The following SBF2 variants were observed in gnomAD, a reference collection of about 807,000 sequenced individuals.
The protein encoded by SBF2 is myotubularin-related protein 13.
In SBF2, 112 loss-of-function variants were observed where a neutral mutation model predicts 225.2. That is an observed-to-expected ratio of 0.50 (90% CI 0.43 to 0.58). SBF2 has a LOEUF of 0.58. Among genes scored for constraint, SBF2 ranks in the 20% least tolerant of loss-of-function variants. The pLI, the probability that SBF2 is intolerant of heterozygous loss-of-function variation, is 0.00. For missense variants in SBF2, 1,996 were observed against 2,206.2 expected (o/e 0.90, Z 1.91); for synonymous variants, 763 against 773.3 (o/e 0.99, Z 0.22).
chr11:10,111,885 C>A (rs562027453), intron 2 of SBF2, among the ~76,000 whole-genome samples: 30 of 151,786 alleles, frequency 2.0e-4, no homozygotes, highest in Admixed American at 1.2e-3. Flanking sequence ...TCAAAAAAAC[C>A]AAAAAAAATT....
chr11:9,942,656 C>T (rs949101201), intron 16 of SBF2, among the ~76,000 whole-genome samples: 6 of 151,818 alleles, frequency 4.0e-5, no homozygotes, highest in African/African-American at 1.5e-4. Flanking sequence ...ATGGTAAAAT[C>T]CTGTCTCTAC....
intron 2 of SBF2, among the ~76,000 whole-genome samples, chr11:10,081,703 T>C (rs1183870243): frequency 6.8e-6 from 1 of 147,654 alleles, no homozygotes; most frequent in Non-Finnish European, 1.5e-5. Flanking sequence ...GAGGTTACAG[T>C]GAGCTGAGAT....
intron 16 of SBF2, among the ~76,000 whole-genome samples, chr11:9,936,479 T>C (rs963856434): frequency 2.0e-5 from 3 of 152,230 alleles, no homozygotes; most frequent in African/African-American, 7.2e-5. Context: ...TTATAAATCA[T>C]GCTACTATAA....
rs928621384 is a variant in SBF2 at position 10,028,038 on chromosome 11, T to C, written c.619+414A>G. On this transcript the variant is annotated intron_variant, in intron 6 of 39. Coordinates refer to ENST00000256190, the MANE Select transcript of SBF2 (RefSeq NM_030962.4). ...GATACATCTACCTCAGCCTCCCTAG[T>C]AGCTGAGATTTCAGGTGTGCACCAA... Among the ~76,000 whole-genome samples, 53 of 152,194 alleles carry C rather than the reference T, an allele frequency of 3.5e-4. 1 individual carries two copies. The highest frequency in any genetic ancestry group is 3.3e-3 in the Admixed American group (51 of 15,280).
chr11:10,014,230 A>C (rs1291597674), intron 6 of SBF2, among the ~76,000 whole-genome samples: 1 of 152,210 alleles, frequency 6.6e-6, no homozygotes, highest in Non-Finnish European at 1.5e-5. Context: ...TTTTGCCTAT[A>C]GATGGAGCTA....
intron 2 of SBF2, among the ~76,000 whole-genome samples, chr11:10,177,748 G>C (rs1300381588): frequency 6.6e-6 from 1 of 150,800 alleles, no homozygotes; most frequent in Non-Finnish European, 1.5e-5. Flanking sequence ...AATCAATATT[G>C]TGAAAATGGC....
chr11:10,196,576 G>A (rs558879750), intron 1 of SBF2, among the ~76,000 whole-genome samples: 5 of 151,450 alleles, frequency 3.3e-5, no homozygotes, highest in Non-Finnish European at 5.9e-5. Flanking sequence ...ACCGGGTTTC[G>A]CCACATTGCC....
chr11:10,055,517 A>G lies in SBF2; in HGVS notation c.142-12536T>C, dbSNP rs550667233. The stretch of plus-strand genomic sequence containing the variant: ...CCCACCAACAGATGAGTAAATAAAG[A>G]AAATGATACACACACACACACACAC... On this transcript the variant is annotated intron_variant, in intron 2 of 39. Coordinates refer to ENST00000256190, the MANE Select transcript of SBF2 (RefSeq NM_030962.4). 1.0e-3 allele frequency among the ~76,000 whole-genome samples: 133 copies of G among 131,660 alleles called. 1 individual carries two copies. The highest frequency in any genetic ancestry group is 3.6e-3 in the African/African-American group (125 of 34,766). The allele number at this position is 131,660 out of a possible 152,430, so 86.4% of individuals were successfully genotyped here. A position where few individuals can be genotyped will look rare whatever the true frequency, so the allele number is the denominator to read the frequency against.
intron 2 of SBF2, among the ~76,000 whole-genome samples, chr11:10,095,628 G>C (rs944523110): frequency 5.9e-5 from 9 of 152,188 alleles, no homozygotes; most frequent in Non-Finnish European, 1.3e-4. Context: ...TATTTGATGA[G>C]TCATGTTCCA....
intron 2 of SBF2, among the ~76,000 whole-genome samples, chr11:10,175,967 G>A (rs1466850341): frequency 6.9e-6 from 1 of 145,518 alleles, no homozygotes; most frequent in Non-Finnish European, 1.5e-5. Context: ...AAACCAACGA[G>A]AACAAAGACA....
chr11:10,267,829 T>C (rs1240229575), intron 1 of SBF2, among the ~76,000 whole-genome samples: 1 of 152,218 alleles, frequency 6.6e-6, no homozygotes, highest in Non-Finnish European at 1.5e-5. Flanking sequence ...TATGGTTTTT[T>C]AGTAATATAG....
At chr11:10,010,443 G>GT (rs1948397499) in intron 6 of SBF2, among the ~76,000 whole-genome samples, 1 of 152,156 alleles carries the variant, frequency 6.6e-6, no homozygotes, top group African/African-American at 2.4e-5. Context: ...TTGAGTTTCA[G>GT]TTTTTTGCAT....
chr11:9,989,227 C>T (rs1288997159), intron 13 of SBF2, among the ~76,000 whole-genome samples: 1 of 151,836 alleles, frequency 6.6e-6, no homozygotes, highest in Non-Finnish European at 1.5e-5. Flanking sequence ...CTCACTGATA[C>T]GTGGGAGCTA....
chr11:9,979,424 A>G (rs1159755804), intron 13 of SBF2, among the ~76,000 whole-genome samples: 2 of 152,190 alleles, frequency 1.3e-5, no homozygotes, highest in African/African-American at 4.8e-5. Flanking sequence ...GAAATTTCTC[A>G]TATGATCATG....
chr11:10,258,933 C>T (rs931891699), intron 1 of SBF2, among the ~76,000 whole-genome samples: 1 of 151,894 alleles, frequency 6.6e-6, no homozygotes, highest in African/African-American at 2.4e-5. Flanking sequence ...GAGCAAAGGC[C>T]AACAGAAAAA....
chr11:10,150,914 G>A (rs928229716), intron 2 of SBF2, among the ~76,000 whole-genome samples: 1 of 152,022 alleles, frequency 6.6e-6, no homozygotes, highest in East Asian at 1.9e-4. Flanking sequence ...ACGTAGAACT[G>A]GAGCAATTAT....
chr11:10,268,181 T>C (rs1175475007), intron 1 of SBF2, among the ~76,000 whole-genome samples: 3 of 152,204 alleles, frequency 2.0e-5, no homozygotes, highest in Non-Finnish European at 2.9e-5. Context: ...TAAATGTTAC[T>C]AGAATTAACT....
chr11:9,888,441 T>C (rs1175317023), intron 17 of SBF2, among the ~76,000 whole-genome samples: 1 of 150,954 alleles, frequency 6.6e-6, no homozygotes. Flanking sequence ...GAGGTGGAGG[T>C]TGCAGTGAGC....
chr11:10,097,673 C>T (rs1341333784), intron 2 of SBF2, among the ~76,000 whole-genome samples: 1 of 152,076 alleles, frequency 6.6e-6, no homozygotes, highest in Non-Finnish European at 1.5e-5. Flanking sequence ...AAAAGTCCAG[C>T]AGATATGGCC....
Sources: allele counts gnomAD v4.1 joint callset (sites outside exome capture counted in the v4.1 genomes callset), GRCh38; gene constraint gnomAD v4.1.1; transcripts MANE v1.5; gene names NCBI Gene and HGNC (gene_info 2026-07-23, HGNC 2026-07-21).